The following FCHO2 variants were observed in gnomAD, a reference collection of about 807,000 sequenced individuals.
The protein encoded by FCHO2 is FCH and mu domain containing endocytic adaptor 2, also known as F-BAR domain only protein 2.
Under a neutral mutation model 114.1 loss-of-function variants are expected in FCHO2, and 43 were observed. The observed-to-expected ratio is 0.38, with a 90% CI of 0.30 to 0.49. The LOEUF (loss-of-function observed/expected upper bound fraction) is 0.49. FCHO2 is among the 20% of genes least tolerant of loss of function. FCHO2 has a pLI of 0.97. For missense variants in FCHO2, 807 were observed against 950.4 expected (o/e 0.85, Z 1.98); for synonymous variants, 293 against 315.2 (o/e 0.93, Z 0.75).
At chr5:73,013,262 T>C (rs1225193937) in intron 6 of FCHO2, among the ~76,000 whole-genome samples, 1 of 145,140 alleles carries the variant, frequency 6.9e-6, no homozygotes. Context: ...CCATTCTGGA[T>C]TTTTTTTTTT....
intron 8 of FCHO2, among the ~76,000 whole-genome samples, chr5:73,033,747 C>T (rs1756355557): frequency 6.6e-6 from 1 of 152,076 alleles, no homozygotes; most frequent in Admixed American, 6.5e-5. Flanking sequence ...TATTTAGCTT[C>T]TGGGATATTT....
chr5:73,031,122 G>A (rs1378752526), intron 8 of FCHO2, among the ~76,000 whole-genome samples: 1 of 152,072 alleles, frequency 6.6e-6, no homozygotes, highest in Non-Finnish European at 1.5e-5. Context: ...TCTTTTTTGT[G>A]TTAGCTTGCC....
At chr5:73,041,200 CTA>C (rs1756788389) in intron 10 of FCHO2, 89 bp from the exon 11 acceptor site, 1 of 751,058 alleles carries the variant, frequency 1.3e-6, no homozygotes, top group Admixed American at 2.6e-5. Flanking sequence ...TAAATAAAAG[CTA>C]TATTTAAGTA....
intron 1 of FCHO2, among the ~76,000 whole-genome samples, chr5:72,967,696 T>A (rs1752278024): frequency 6.6e-6 from 1 of 152,184 alleles, no homozygotes; most frequent in Non-Finnish European, 1.5e-5. Flanking sequence ...TTCAGCTCAC[T>A]GCAACCTCCA....
intron 5 of FCHO2, among the ~76,000 whole-genome samples, chr5:73,005,612 C>G (rs1199058078): frequency 1.3e-5 from 2 of 152,118 alleles, no homozygotes; most frequent in Admixed American, 1.3e-4. Context: ...CCAAGTTGAT[C>G]AGGCCTTTGA....
At chr5:72,959,650 G>A (rs1751742642) in intron 1 of FCHO2, among the ~76,000 whole-genome samples, 1 of 152,100 alleles carries the variant, frequency 6.6e-6, no homozygotes, top group Admixed American at 6.5e-5. Flanking sequence ...AAAACATCGT[G>A]CTCTATATGA....
intron 1 of FCHO2, among the ~76,000 whole-genome samples, chr5:72,965,210 A>G (rs977113882): frequency 6.6e-6 from 1 of 152,318 alleles, no homozygotes; most frequent in East Asian, 1.9e-4. Flanking sequence ...GCTTGCATAC[A>G]AAGGCATACC....
At chr5:73,061,624 A>G (rs1458543611) in intron 17 of FCHO2, among the ~76,000 whole-genome samples, 1 of 152,024 alleles carries the variant, frequency 6.6e-6, no homozygotes, top group Non-Finnish European at 1.5e-5. Context: ...TCTCTACTTT[A>G]TTCTGCTGTA....
chr5:73,062,421 A>G (rs1757894494), intron 17 of FCHO2, among the ~76,000 whole-genome samples: 1 of 152,040 alleles, frequency 6.6e-6, no homozygotes, highest in African/African-American at 2.4e-5. Flanking sequence ...ACTCTCTCAC[A>G]AGTTTGAAAT....
intron 2 of FCHO2, among the ~76,000 whole-genome samples, chr5:72,988,014 A>C (rs1753626285): frequency 6.6e-6 from 1 of 152,112 alleles, no homozygotes; most frequent in Non-Finnish European, 1.5e-5. Context: ...TAGACATTAG[A>C]AGCAGAAAGT....
At chr5:73,042,645 G>A (rs1025963841) in intron 11 of FCHO2, among the ~76,000 whole-genome samples, 4 of 152,028 alleles carry the variant, frequency 2.6e-5, no homozygotes, top group South Asian at 2.1e-4. Context: ...GAAAAAATAC[G>A]TTATAAAAGG....
intron 19 of FCHO2, 85 bp downstream of exon 19, chr5:73,068,864 A>C: frequency 2.1e-6 from 3 of 1,409,410 alleles, no homozygotes; most frequent in Non-Finnish European, 2.8e-6. Context: ...AAATGGGCTA[A>C]TGAAGAATTT....
intron 7 of FCHO2, 105 bp downstream of exon 7, chr5:73,015,829 G>A (rs1353743715): frequency 2.1e-5 from 11 of 522,446 alleles, no homozygotes; most frequent in Admixed American, 1.3e-4. Flanking sequence ...GTATAATACC[G>A]AATTTTTCCA....
At chr5:73,026,737 C>T (rs186374668) in intron 8 of FCHO2, among the ~76,000 whole-genome samples, 1 of 152,038 alleles carries the variant, frequency 6.6e-6, no homozygotes, top group Non-Finnish European at 1.5e-5. Flanking sequence ...GTTGCCCAGT[C>T]TGGAGTGCAG....
chr5:72,964,937 C>T (rs986040458), intron 1 of FCHO2, among the ~76,000 whole-genome samples: 2 of 151,972 alleles, frequency 1.3e-5, no homozygotes, highest in Non-Finnish European at 2.9e-5. Context: ...ATCCCTTTGT[C>T]CAGTGCATCC....
intron 8 of FCHO2, among the ~76,000 whole-genome samples, chr5:73,030,812 C>T (rs1476712750): frequency 6.6e-6 from 1 of 152,170 alleles, no homozygotes; most frequent in Non-Finnish European, 1.5e-5. Flanking sequence ...CCAGGAGTCT[C>T]TCATGAGGTT....
At chr5:72,991,505 A>T (rs1222440721) in intron 5 of FCHO2, among the ~76,000 whole-genome samples, 1 of 152,282 alleles carries the variant, frequency 6.6e-6, no homozygotes, top group African/African-American at 2.4e-5. Context: ...TTAGAAAGAT[A>T]CAGGTAGGTA....
chr5:73,021,019 T>C (rs1755596117), intron 8 of FCHO2: 1 of 1,328,630 alleles, frequency 7.5e-7, no homozygotes, highest in Non-Finnish European at 1.1e-6. Context: ...GGGGTGGAAA[T>C]GAGCCAAAGT....
intron 10 of FCHO2, 26 bp from the exon 11 acceptor site, chr5:73,041,261 TTGAG>T (rs1395352297): frequency 2.8e-6 from 4 of 1,415,630 alleles, no homozygotes; most frequent in Non-Finnish European, 3.0e-6. Flanking sequence ...ATTCTAATTA[TTGAG>T]TATTTCTGAT....
Sources: gnomAD v4.1 joint callset for allele counts (sites outside exome capture counted in the v4.1 genomes callset) on GRCh38, gnomAD v4.1.1 for gene constraint, MANE v1.5 for transcripts, NCBI Gene and HGNC (gene_info 2026-07-23, HGNC 2026-07-21) for gene names.